The following CELF2 variants were observed in gnomAD, a reference collection of about 807,000 sequenced individuals.
The protein encoded by CELF2 is CUG triplet repeat RNA-binding protein 2.
A neutral mutation model predicts 62.6 loss-of-function variants in CELF2; 8 were observed. The ratio of observed to expected loss-of-function variants is 0.13; its 90% CI spans 0.07 to 0.23. CELF2 has a LOEUF of 0.23. CELF2 is among the 10% of genes least tolerant of loss of function. The pLI is 1.00. For missense variants in CELF2, 333 were observed against 671.0 expected (o/e 0.50, Z 5.56); for synonymous variants, 258 against 250.0 (o/e 1.03, Z -0.30).
At chr10:10,834,281 G>T (rs148415620) in intron 1 of CELF2, among the ~76,000 whole-genome samples, 6 of 152,290 alleles carry the variant, frequency 3.9e-5, no homozygotes, top group African/African-American at 1.2e-4. Context: ...GACACATAGA[G>T]GGGAACAGCA....
At chr10:11,231,646 G>GAAAA (rs11384558) in intron 3 of CELF2, among the ~76,000 whole-genome samples, 1 of 145,432 alleles carries the variant, frequency 6.9e-6, no homozygotes. Flanking sequence ...TAACTCTTCA[G>GAAAA]AAAAAAAAAA....
intron 4 of CELF2, among the ~76,000 whole-genome samples, chr10:11,252,120 T>C (rs1241229777): frequency 6.6e-6 from 1 of 152,216 alleles, no homozygotes; most frequent in Non-Finnish European, 1.5e-5. Flanking sequence ...TGCACAGACA[T>C]GAACAGCTTC....
intron 1 of CELF2, among the ~76,000 whole-genome samples, chr10:10,815,901 G>GTTTTT (rs1191382250): frequency 2.1e-5 from 2 of 95,386 alleles, no homozygotes; most frequent in East Asian, 9.6e-4. Flanking sequence ...TGGGGTTTGG[G>GTTTTT]TTGTTTTTTT....
intron 1 of CELF2, among the ~76,000 whole-genome samples, chr10:11,139,580 AT>A (rs1341429365): frequency 6.6e-6 from 1 of 152,210 alleles, no homozygotes; most frequent in Non-Finnish European, 1.5e-5. Flanking sequence ...AGATTATGTG[AT>A]TTTTATGTAA....
chr10:10,904,585 T>C (rs2063186234), intron 1 of CELF2, among the ~76,000 whole-genome samples: 1 of 152,172 alleles, frequency 6.6e-6, no homozygotes, highest in African/African-American at 2.4e-5. Flanking sequence ...ACTCCCTAGA[T>C]TGCACACAAC....
chr10:10,510,996 G>A, the CELF2 span, among the ~76,000 whole-genome samples: 1,393 of 152,342 alleles, frequency 9.1e-3, 17 homozygotes, highest in African/African-American at 0.031. Context: ...CAGAGAGGTG[G>A]CATCAGCAGG....
At chr10:11,259,819 G>GA (rs2079946343) in intron 5 of CELF2, among the ~76,000 whole-genome samples, 1 of 152,214 alleles carries the variant, frequency 6.6e-6, no homozygotes, top group African/African-American at 2.4e-5. Context: ...AATACCATGG[G>GA]AAAAGACAGT....
Position 11,178,171 on chromosome 10 carries a change from C to T in CELF2, c.271+12489C>T, listed in dbSNP as rs642349. 2.4e-4 allele frequency among the ~76,000 whole-genome samples: 36 copies of T among 152,262 alleles called. No homozygotes were observed. The highest frequency in any genetic ancestry group is 7.5e-4 in the African/African-American group (31 of 41,510). The stretch of plus-strand genomic sequence containing the variant: ...TGGTTCGGCGCAAAGAGGAAATGCG[C>T]GTTCTGTGCCCAGTCCTCGCTCCCC... On this transcript the variant is annotated intron_variant, in intron 2 of 12. Coordinates refer to ENST00000633077, the MANE Select transcript of CELF2 (RefSeq NM_001326342.2). The surrounding 1 kb of genome is among the most constrained non-coding windows in gnomAD (Gnocchi z 4.3).
chr10:10,906,339 G>C (rs1050603756), intron 1 of CELF2, among the ~76,000 whole-genome samples: 2 of 152,174 alleles, frequency 1.3e-5, no homozygotes, highest in African/African-American at 4.8e-5. Flanking sequence ...CATCTTTGCT[G>C]ATGCGGTGTG....
the CELF2 span, among the ~76,000 whole-genome samples, chr10:10,527,859 T>C: frequency 1.3e-5 from 2 of 152,258 alleles, no homozygotes; most frequent in African/African-American, 4.8e-5. Flanking sequence ...AGACTGACAC[T>C]GTGTATAATT....
At chr10:10,857,891 A>G (rs1363887206) in intron 1 of CELF2, among the ~76,000 whole-genome samples, 3 of 151,716 alleles carry the variant, frequency 2.0e-5, no homozygotes, top group African/African-American at 7.3e-5. Flanking sequence ...AATATAAAAC[A>G]CAACCATAGG....
At chr10:11,021,383 T>C (rs1444397913) in intron 1 of CELF2, among the ~76,000 whole-genome samples, 1 of 152,198 alleles carries the variant, frequency 6.6e-6, no homozygotes, top group African/African-American at 2.4e-5. Flanking sequence ...CCTTTCAAGT[T>C]AGGATAACTG....
At chr10:10,727,906 T>C in the CELF2 span, among the ~76,000 whole-genome samples, 1 of 152,176 alleles carries the variant, frequency 6.6e-6, no homozygotes, top group African/African-American at 2.4e-5. Context: ...TATTGAGTGC[T>C]ACAATAAGCC....
At chr10:11,101,578 A>G (rs1564743875) in intron 1 of CELF2, among the ~76,000 whole-genome samples, 1 of 152,236 alleles carries the variant, frequency 6.6e-6, no homozygotes, top group African/African-American at 2.4e-5. Context: ...GACTTTGTCC[A>G]CTAATTCAGG....
the CELF2 span, among the ~76,000 whole-genome samples, chr10:10,606,091 G>A: frequency 2.6e-5 from 4 of 152,028 alleles, no homozygotes; most frequent in Admixed American, 2.0e-4. Flanking sequence ...CCAACCCTTC[G>A]GTCTCCATTA....
the CELF2 span, among the ~76,000 whole-genome samples, chr10:10,547,736 A>G: frequency 6.9e-6 from 1 of 145,978 alleles, no homozygotes; most frequent in Non-Finnish European, 1.5e-5. Flanking sequence ...TGTGTATCTC[A>G]GCAATAAGCT....
At chr10:11,073,719 G>C (rs898511412) in intron 1 of CELF2, among the ~76,000 whole-genome samples, 10 of 152,186 alleles carry the variant, frequency 6.6e-5, no homozygotes, top group Admixed American at 6.5e-4. Flanking sequence ...TACTAACGCT[G>C]ACTGAGGAGA....
intron 2 of CELF2, among the ~76,000 whole-genome samples, chr10:11,167,565 A>T (rs899272187): frequency 6.6e-6 from 1 of 152,190 alleles, no homozygotes; most frequent in East Asian, 1.9e-4. Context: ...GTAAGTACCT[A>T]TGTGTGGCCT....
At chr10:10,676,612 A>T in the CELF2 span, among the ~76,000 whole-genome samples, 1 of 152,170 alleles carries the variant, frequency 6.6e-6, no homozygotes, top group Non-Finnish European at 1.5e-5. Flanking sequence ...GCTTGTTCAC[A>T]CCAAGCCTCC....
Sources: allele counts gnomAD v4.1 joint callset (sites outside exome capture counted in the v4.1 genomes callset), GRCh38; gene constraint gnomAD v4.1.1; non-coding constraint Gnocchi (gnomAD v3.1); transcripts MANE v1.5; gene names NCBI Gene and HGNC (gene_info 2026-07-23, HGNC 2026-07-21).